ESR1: variants seen among roughly 807,000 people sequenced by gnomAD.
ESR1 encodes the protein estrogen receptor.
Under a neutral mutation model 52.7 loss-of-function variants are expected in ESR1, and 12 were observed. The observed-to-expected ratio is 0.23, with a 90% CI of 0.15 to 0.37. ESR1 has a LOEUF of 0.37. ESR1 is among the 10% of genes least tolerant of loss of function. ESR1 has a pLI of 1.00. For missense variants in ESR1, 584 were observed against 779.7 expected (o/e 0.75, Z 2.99); for synonymous variants, 305 against 316.8 (o/e 0.96, Z 0.39).
chr6:151,684,498 G>T (rs1193173790), intron 1 of ESR1, among the ~76,000 whole-genome samples: 2 of 152,174 alleles, frequency 1.3e-5, no homozygotes, highest in African/African-American at 4.8e-5. Flanking sequence ...GACCAATTAG[G>T]ACACCATTGC....
chr6:152,110,544 G>A (rs571910938), intron 6 of ESR1, among the ~76,000 whole-genome samples: 3 of 152,162 alleles, frequency 2.0e-5, no homozygotes, highest in African/African-American at 7.2e-5. Flanking sequence ...AGGGTGGAAG[G>A]AGGGAGACAA....
chr6:151,894,531 A>C (rs767690017), intron 3 of ESR1, among the ~76,000 whole-genome samples: 5 of 152,168 alleles, frequency 3.3e-5, no homozygotes, highest in Non-Finnish European at 7.4e-5. Flanking sequence ...TCTTAGATTT[A>C]AGTCCTTGAT....
rs142346064 is a variant in ESR1, at chr6:151,798,404, C to T, written c.-70-9439C>T. 7.9e-3 allele frequency among the ~76,000 whole-genome samples: 1,203 copies of T among 152,226 alleles called. 10 individuals carry two copies. Among genetic ancestry groups the T allele is most frequent in the Middle Eastern group, 0.024 (7 of 294 alleles). On this transcript the variant is annotated intron_variant, in intron 2 of 2. Transcript: ENST00000404742. ...CAAATTTACAATTTGTGCCATTAGC[C>T]ATTTATTAGAATTTGGTATAAGAAT...
intron 3 of ESR1, among the ~76,000 whole-genome samples, chr6:151,927,020 G>A (rs1179397801): frequency 6.6e-6 from 1 of 151,994 alleles, no homozygotes; most frequent in Non-Finnish European, 1.5e-5. Flanking sequence ...GGAAATTTCT[G>A]TCTATTCTGA....
exon 7 of ESR1, chr6:152,128,886 A>C (rs2054449304): frequency 6.6e-6 from 1 of 152,252 alleles, no homozygotes; most frequent in Non-Finnish European, 1.5e-5. Flanking sequence ...AAACAGAGGT[A>C]CCGACGGTAA....
intron 4 of ESR1, among the ~76,000 whole-genome samples, chr6:151,976,726 T>C (rs1286909552): frequency 6.6e-6 from 1 of 152,170 alleles, no homozygotes; most frequent in Non-Finnish European, 1.5e-5. Flanking sequence ...ATGATGTTTA[T>C]ATTAGTCATC....
intron 3 of ESR1, among the ~76,000 whole-genome samples, chr6:151,934,392 T>C (rs1302468749): frequency 6.6e-6 from 1 of 152,232 alleles, no homozygotes; most frequent in African/African-American, 2.4e-5. Context: ...ATTTGGCTTT[T>C]TGCCCCAGAG....
chr6:152,091,733 GCCTT>G (rs1203376953), intron 6 of ESR1, among the ~76,000 whole-genome samples: 4 of 152,126 alleles, frequency 2.6e-5, no homozygotes, highest in African/African-American at 4.8e-5. Flanking sequence ...AGCACGGTGT[GCCTT>G]CACACCGTGC....
chr6:151,886,000 T>C (rs1176297152), intron 3 of ESR1, among the ~76,000 whole-genome samples: 14 of 152,088 alleles, frequency 9.2e-5, no homozygotes, highest in Admixed American at 9.2e-4. Flanking sequence ...TAAAAATAAT[T>C]ACTATCTTAG....
intron 2 of ESR1, among the ~76,000 whole-genome samples, chr6:151,726,012 A>T (rs1326488020): frequency 2.0e-5 from 3 of 152,194 alleles, no homozygotes; most frequent in Non-Finnish European, 4.4e-5. Context: ...ACAGGAGCAA[A>T]AATAAAGAGG....
At chr6:151,811,728 C>CT (rs943642174) in intron 1 of ESR1, among the ~76,000 whole-genome samples, 2 of 152,068 alleles carry the variant, frequency 1.3e-5, no homozygotes, top group African/African-American at 4.8e-5. Context: ...TCTGATCTTA[C>CT]TTTTTTATTA....
At chr6:152,044,080 G>C (rs2046026473) in intron 5 of ESR1, among the ~76,000 whole-genome samples, 1 of 152,116 alleles carries the variant, frequency 6.6e-6, no homozygotes. Flanking sequence ...AGTGAACTTA[G>C]GAGCAACCAA....
At chr6:151,906,123 A>G (rs1031028527) in intron 3 of ESR1, among the ~76,000 whole-genome samples, 2 of 152,148 alleles carry the variant, frequency 1.3e-5, no homozygotes, top group Non-Finnish European at 1.5e-5. Context: ...TAGACACACC[A>G]TATTTTTTAA....
chr6:151,839,596 T>A (rs563502196), intron 1 of ESR1, among the ~76,000 whole-genome samples: 1 of 152,312 alleles, frequency 6.6e-6, no homozygotes, highest in African/African-American at 2.4e-5. Context: ...AATCCAGATG[T>A]CTATAGATGG....
rs138891155 is a variant in ESR1, at chr6:152,098,959, C to G, written c.1781C>G (p.Thr594Arg). ...GGGGAGGCAGAGGGTTTCCCTGCCA[C>G]GGTCTGAGAGCTCCCTGGCTCCCAC... ...ITGEAEGFPA[T>R]V Residue 594 changes from threonine to arginine, a missense_variant, in exon 8 of 8, where the codon ACG (threonine) becomes AGG (arginine). Physicochemically the swap from Thr to Arg is moderately conservative, Grantham distance 71 (BLOSUM62 -1). This residue lies in a region of ESR1 where 71 missense variants were observed against 66.1 expected (regional missense o/e 1.07). Coordinates refer to ENST00000206249, the MANE Select transcript of ESR1 (RefSeq NM_000125.4). The surrounding 1 kb of genome is among the most constrained non-coding windows in gnomAD (Gnocchi z 5.1). 6.2e-7 allele frequency: 1 copy of G among 1,612,642 alleles called. No homozygotes were observed. Among genetic ancestry groups the G allele is most frequent in the East Asian group, 2.2e-5 (1 of 44,862 alleles).
intron 3 of ESR1, among the ~76,000 whole-genome samples, chr6:151,912,029 C>T (rs1397325181): frequency 6.6e-6 from 1 of 152,200 alleles, no homozygotes; most frequent in Non-Finnish European, 1.5e-5. Context: ...CAGTTGCACT[C>T]TCTGTATTCA....
Position 152,098,658 on chromosome 6 carries a change from C to G in ESR1, c.1554-74C>G. On this transcript the variant is annotated intron_variant, in intron 7 of 7. Coordinates refer to ENST00000206249, the MANE Select transcript of ESR1 (RefSeq NM_000125.4). The surrounding 1 kb of genome is among the most constrained non-coding windows in gnomAD (Gnocchi z 5.1). ...GTCTTTGGAGTTCCTCTTCCTTCCC[C>G]TTCTAGGGATTTCAGCACTCCTGGG... is the stretch of plus-strand genomic sequence containing the variant. 1 of 1,212,734 alleles carries G rather than the reference C, an allele frequency of 8.2e-7. No homozygotes were observed. 75.1% of individuals were successfully genotyped at this position (1,212,734 alleles called of 1,614,324 possible). A position where few individuals can be genotyped will look rare whatever the true frequency, so the allele number is the denominator to read the frequency against.
intron 5 of ESR1, among the ~76,000 whole-genome samples, chr6:152,022,478 G>T (rs963301547): frequency 6.6e-6 from 1 of 152,102 alleles, no homozygotes; most frequent in African/African-American, 2.4e-5. Context: ...AGCCATCTCC[G>T]TAGCTAAAAG....
intron 6 of ESR1, among the ~76,000 whole-genome samples, chr6:152,087,729 C>T (rs945201766): frequency 6.6e-6 from 1 of 152,184 alleles, no homozygotes; most frequent in African/African-American, 2.4e-5. Context: ...TGATAGGGCT[C>T]TTTTCACAAA....
Sources: gnomAD v4.1 joint callset for allele counts (sites outside exome capture counted in the v4.1 genomes callset) on GRCh38, gnomAD v4.1.1 for gene constraint, gnomAD v4.1.1 regional missense constraint, Gnocchi (gnomAD v3.1) non-coding constraint, MANE v1.5 for transcripts, NCBI Gene and HGNC (gene_info 2026-07-23, HGNC 2026-07-21) for gene names.